The following DNAH14 variants were observed in gnomAD, a reference collection of about 807,000 sequenced individuals.
The protein encoded by DNAH14 is axonemal beta dynein heavy chain 14.
A neutral mutation model predicts 520.9 loss-of-function variants in DNAH14; 478 were observed. The ratio of observed to expected loss-of-function variants is 0.92; its 90% CI spans 0.85 to 0.99. DNAH14 has a LOEUF of 0.99. Among genes scored for constraint, DNAH14 ranks in the 50% least tolerant of loss-of-function variants. DNAH14 has a pLI of 0.00. For missense variants in DNAH14, 4,831 were observed against 5,234.5 expected, an observed-to-expected ratio of 0.92 and a Z score of 2.38; for synonymous variants, 1,581 against 1,757.2, an observed-to-expected ratio of 0.90 and a Z score of 2.51.
chr1:225,002,715 C>G, intron 8 of DNAH14, 68 bp from the exon 9 acceptor site: 1 of 1,421,332 alleles, frequency 7.0e-7, no homozygotes, highest in South Asian at 1.3e-5. Flanking sequence ...AACCACACTA[C>G]TTACCTCTAA....
chr1:225,137,836 C>T (rs1457342569), intron 27 of DNAH14, among the ~76,000 whole-genome samples: 3 of 152,140 alleles, frequency 2.0e-5, no homozygotes, highest in African/African-American at 4.8e-5. Context: ...CTTTGTAGAC[C>T]GCCTGTATTT....
At chr1:225,244,030 A>G (rs2092128020) in intron 43 of DNAH14, among the ~76,000 whole-genome samples, 1 of 152,110 alleles carries the variant, frequency 6.6e-6, no homozygotes, top group African/African-American at 2.4e-5. Context: ...ATCAATACCT[A>G]GTTTATTGAG....
chr1:225,126,133 C>T (rs1242089759), intron 27 of DNAH14, among the ~76,000 whole-genome samples: 1 of 152,100 alleles, frequency 6.6e-6, no homozygotes, highest in Non-Finnish European at 1.5e-5. Context: ...TGCAGATCAC[C>T]ATAACAGATA....
At chr1:224,939,052 GAATA>G (rs974574206) in intron 1 of DNAH14, among the ~76,000 whole-genome samples, 1 of 151,956 alleles carries the variant, frequency 6.6e-6, no homozygotes, top group Non-Finnish European at 1.5e-5. Context: ...AATGGAAAAA[GAATA>G]AATATATTTA....
At chr1:224,966,936 A>C (rs573163883) in intron 5 of DNAH14, among the ~76,000 whole-genome samples, 1 of 152,316 alleles carries the variant, frequency 6.6e-6, no homozygotes, top group South Asian at 2.1e-4. Flanking sequence ...GAAAGTTAAT[A>C]AACTCTTATG....
chr1:225,214,551 T>C lies in DNAH14; in HGVS notation c.6439+7331T>C, dbSNP rs528729636. Among the ~76,000 whole-genome samples the C allele has an allele frequency of 7.3e-4, 111 of 152,274 alleles. 3 individuals are homozygous for C. Among genetic ancestry groups the C allele is most frequent in the African/African-American group, 2.6e-3 (108 of 41,556 alleles). ...CCATCTGCTGCTAGACTTTTTTTGG[T>C]TGGTAGGCTATTAACTATTGCCTCA... On this transcript the variant is annotated intron_variant, in intron 41 of 85. Transcript: ENST00000682510.
intron 27 of DNAH14, among the ~76,000 whole-genome samples, chr1:225,140,447 C>G (rs775007976): frequency 3.9e-5 from 6 of 152,160 alleles, no homozygotes; most frequent in Non-Finnish European, 8.8e-5. Context: ...GCAGAGAAAG[C>G]AGCACTAATA....
intron 17 of DNAH14, among the ~76,000 whole-genome samples, chr1:225,057,630 G>T (rs1223952328): frequency 1.3e-5 from 2 of 152,148 alleles, no homozygotes; most frequent in Non-Finnish European, 2.9e-5. Context: ...AATGCTTCCA[G>T]TTTTTGCCCA....
At chr1:225,297,950 C>T (rs1044115416) in intron 55 of DNAH14, among the ~76,000 whole-genome samples, 5 of 151,292 alleles carry the variant, frequency 3.3e-5, no homozygotes, top group Admixed American at 6.6e-5. Flanking sequence ...GTCTGCAGCA[C>T]GGGGGATGTA....
At chr1:224,971,136 T>C (rs1325628303) in intron 7 of DNAH14, among the ~76,000 whole-genome samples, 2 of 152,234 alleles carry the variant, frequency 1.3e-5, no homozygotes, top group African/African-American at 4.8e-5. Context: ...CATTACATTA[T>C]ATCACATCAC....
intron 17 of DNAH14, among the ~76,000 whole-genome samples, chr1:225,058,997 A>G (rs1351463340): frequency 1.3e-5 from 2 of 152,198 alleles, no homozygotes; most frequent in East Asian, 1.9e-4. Flanking sequence ...AAGAATGTAT[A>G]TTCTGTTGAT....
chr1:225,179,600 A>G (rs1050307338), intron 36 of DNAH14, among the ~76,000 whole-genome samples: 1 of 152,142 alleles, frequency 6.6e-6, no homozygotes, highest in African/African-American at 2.4e-5. Flanking sequence ...ATTATTTTTG[A>G]CATTTTTCTC....
chr1:225,051,586 A>G lies in DNAH14; in HGVS notation c.2215A>G (p.Thr739Ala). The change falls in exon 17 of 86, where the codon ACT (threonine) becomes GCT (alanine). Residue 739 changes from threonine (T) to alanine (A), a missense_variant. Transcript: ENST00000682510. Reference sequence around the variant, plus strand: ...GAAAATATCATCTATGGGAGAATTAACTTCAAAAGAATTTGAAGCTATTCT... The same window carrying G: ...GAAAATATCATCTATGGGAGAATTAGCTTCAAAAGAATTTGAAGCTATTCT... ...SMKISSMGEL[T>A]SKEFEAILNR... 1 of 1,550,790 alleles carries G rather than the reference A, an allele frequency of 6.4e-7. No homozygotes were observed. Among genetic ancestry groups the G allele is most frequent in the Admixed American group, 2.0e-5 (1 of 50,982 alleles).
intron 55 of DNAH14, among the ~76,000 whole-genome samples, chr1:225,297,837 C>T (rs1369928480): frequency 1.3e-5 from 2 of 152,258 alleles, no homozygotes; most frequent in East Asian, 3.9e-4. Flanking sequence ...CATGGGCATA[C>T]AGTTTCTTGG....
chr1:225,339,424 T>C (rs1374386601), intron 68 of DNAH14, among the ~76,000 whole-genome samples: 3 of 152,240 alleles, frequency 2.0e-5, no homozygotes, highest in Admixed American at 6.5e-5. Context: ...ATCCCATGGC[T>C]TTTTAAAGTG....
chr1:225,149,639 G>T (rs1573515259), intron 31 of DNAH14, among the ~76,000 whole-genome samples: 1 of 152,068 alleles, frequency 6.6e-6, no homozygotes, highest in East Asian at 1.9e-4. Context: ...CATCTCCCTG[G>T]TTAGCTGTAT....
rs1268416941 is a variant in DNAH14 at position 225,270,769 on chromosome 1, T to G, written c.7574T>G (p.Val2525Gly). The change falls in exon 50 of 86, where the codon GTT (valine) becomes GGT (glycine). Residue 2525 changes from valine to glycine, a missense_variant. By Grantham distance (109) the Val-to-Gly change is moderately radical (BLOSUM62 -3). Coordinates refer to ENST00000682510, the MANE Select transcript of DNAH14 (RefSeq NM_001367479.1). ...IQDLSIVAAC[V>G]PVVNDISPRL... ...GATCTGTCTATAGTTGCAGCTTGTG[T>G]TCCAGTTGTGAATGATATCAGCCCA... 6.4e-7 allele frequency: 1 copy of G among 1,551,258 alleles called. No individual in the cohort carries two copies. The highest frequency in any genetic ancestry group is 1.4e-5 in the African/African-American group (1 of 73,048).
chr1:225,298,161 C>A (rs2094054019), intron 55 of DNAH14, among the ~76,000 whole-genome samples: 1 of 151,954 alleles, frequency 6.6e-6, no homozygotes, highest in Non-Finnish European at 1.5e-5. Context: ...GCCTAGGATG[C>A]AGGCAAAGGT....
intron 44 of DNAH14, among the ~76,000 whole-genome samples, chr1:225,253,658 A>G (rs745564055): frequency 3.9e-5 from 6 of 152,104 alleles, no homozygotes; most frequent in Admixed American, 1.3e-4. Flanking sequence ...GTCACCCAAC[A>G]TTCATTAATT....
Sources: allele counts gnomAD v4.1 joint callset (sites outside exome capture counted in the v4.1 genomes callset), GRCh38; gene constraint gnomAD v4.1.1; transcripts MANE v1.5; gene names NCBI Gene and HGNC (gene_info 2026-07-23, HGNC 2026-07-21).